Variants in CTNNA3 observed in about 807,000 individuals in gnomAD.
CTNNA3 encodes catenin alpha-3.
CTNNA3 carries 76 observed loss-of-function variants against 95.7 expected under a neutral mutation model. The ratio of observed to expected loss-of-function variants is 0.79; its 90% CI spans 0.66 to 0.96. The LOEUF (loss-of-function observed/expected upper bound fraction) is 0.96, where lower values mean the gene tolerates loss of function less well. Ranked by LOEUF, CTNNA3 falls within the 40% of genes least tolerant of loss-of-function variation. CTNNA3 has a pLI of 0.00. For synonymous variants in CTNNA3, 431 were observed against 374.4 expected (o/e 1.15, Z -1.74); for missense variants, 1,191 against 1,089.8 (o/e 1.09, Z -1.31).
intron 16 of CTNNA3, among the ~76,000 whole-genome samples, chr10:65,981,459 A>G (rs1368106774): frequency 6.6e-6 from 1 of 151,954 alleles, no homozygotes; most frequent in Non-Finnish European, 1.5e-5. Context: ...TTCCCATCAA[A>G]ATGCCACCAT....
intron 1 of CTNNA3, among the ~76,000 whole-genome samples, chr10:67,737,459 C>A (rs1202530570): frequency 1.3e-5 from 2 of 151,850 alleles, no homozygotes; most frequent in Non-Finnish European, 2.9e-5. Flanking sequence ...CAGGAACAAA[C>A]CAAACCCAAA....
intron 7 of CTNNA3, among the ~76,000 whole-genome samples, chr10:66,888,330 T>C (rs1845124612): frequency 6.6e-6 from 1 of 152,168 alleles, no homozygotes; most frequent in Admixed American, 6.6e-5. Flanking sequence ...GATTCTCCCC[T>C]GGAACCTCCA....
intron 7 of CTNNA3, among the ~76,000 whole-genome samples, chr10:67,107,921 G>C (rs1456195370): frequency 6.6e-6 from 1 of 152,162 alleles, no homozygotes; most frequent in Non-Finnish European, 1.5e-5. Flanking sequence ...AGGGACTCTG[G>C]CCTTGCGGAG....
intron 5 of CTNNA3, among the ~76,000 whole-genome samples, chr10:67,446,588 C>T (rs192284276): frequency 1.3e-4 from 20 of 152,270 alleles, no homozygotes; most frequent in Non-Finnish European, 8.8e-5. Context: ...ATAGCATTTA[C>T]TTCAGAAAAC....
chr10:66,310,117 C>CA (rs928526887), intron 12 of CTNNA3, among the ~76,000 whole-genome samples: 26 of 142,484 alleles, frequency 1.8e-4, no homozygotes, highest in South Asian at 8.9e-4. Context: ...GACTCCATCT[C>CA]AAAAAAAAAG....
chr10:66,173,118 A>G (rs1401661365), intron 13 of CTNNA3, among the ~76,000 whole-genome samples: 1 of 152,200 alleles, frequency 6.6e-6, no homozygotes, highest in Non-Finnish European at 1.5e-5. Context: ...ACATCTTTTC[A>G]TGTACATCCT....
chr10:67,661,223 C>T (rs1301733298), intron 1 of CTNNA3, among the ~76,000 whole-genome samples: 2 of 130,232 alleles, frequency 1.5e-5, no homozygotes, highest in East Asian at 4.7e-4. Flanking sequence ...CAATTAATTG[C>T]AGCAATTTTA....
At chr10:66,543,218 G>T (rs1022874544) in intron 10 of CTNNA3, among the ~76,000 whole-genome samples, 1 of 151,868 alleles carries the variant, frequency 6.6e-6, no homozygotes, top group African/African-American at 2.4e-5. Context: ...TCAGCCTCCC[G>T]AGTAGCTGGG....
At chr10:66,135,292 A>G (rs2083293780) in intron 13 of CTNNA3, among the ~76,000 whole-genome samples, 2 of 152,152 alleles carry the variant, frequency 1.3e-5, no homozygotes, top group Admixed American at 1.3e-4. Context: ...GTGTGCAATG[A>G]ACGTTGAATA....
chr10:67,417,588 G>A (rs1001173567), intron 5 of CTNNA3, among the ~76,000 whole-genome samples: 4 of 151,920 alleles, frequency 2.6e-5, no homozygotes, highest in Admixed American at 2.6e-4. Context: ...ACAAAAGAAA[G>A]GAAATAACTC....
intron 7 of CTNNA3, among the ~76,000 whole-genome samples, chr10:66,918,029 T>C (rs1354728046): frequency 6.6e-6 from 1 of 152,224 alleles, no homozygotes; most frequent in Non-Finnish European, 1.5e-5. Flanking sequence ...GTGACTCTGG[T>C]GCCACATGTT....
At chr10:67,371,259 T>C (rs1365825776) in intron 5 of CTNNA3, among the ~76,000 whole-genome samples, 2 of 152,152 alleles carry the variant, frequency 1.3e-5, no homozygotes, top group East Asian at 3.9e-4. Flanking sequence ...CTTTAAGTTC[T>C]AGGGTACATG....
chr10:67,239,237 A>G (rs1383569459), intron 5 of CTNNA3, among the ~76,000 whole-genome samples: 1 of 152,124 alleles, frequency 6.6e-6, no homozygotes, highest in East Asian at 1.9e-4. Context: ...ATACACACAT[A>G]TGGAAATATG....
At chr10:66,764,621 A>G (rs1346506521) in intron 9 of CTNNA3, among the ~76,000 whole-genome samples, 1 of 152,192 alleles carries the variant, frequency 6.6e-6, no homozygotes, top group Non-Finnish European at 1.5e-5. Flanking sequence ...CATAAAAAGA[A>G]GTTGTTTTCA....
At chr10:67,699,919 C>G (rs756972194), upstream of CTNNA3, among the ~76,000 whole-genome samples, 4 of 152,362 alleles carry the variant, frequency 2.6e-5, no homozygotes, top group Admixed American at 6.5e-5. Flanking sequence ...CACTCCCACC[C>G]TAATACTGCG....
chr10:67,032,867 A>G (rs749657589), intron 7 of CTNNA3, among the ~76,000 whole-genome samples: 2 of 152,208 alleles, frequency 1.3e-5, no homozygotes, highest in African/African-American at 2.4e-5. Context: ...TTTCAGCTGT[A>G]TATTAAAACA....
chr10:66,927,412 T>C lies in CTNNA3; in HGVS notation c.1048-151888A>G. 1 of 1,614,126 alleles carries C rather than the reference T, an allele frequency of 6.2e-7. No individual in the cohort carries two copies. Among genetic ancestry groups the C allele is most frequent in the Non-Finnish European group, 8.5e-7 (1 of 1,180,020 alleles). ...GAAGCTGCTGAGTTTACATTTACGG[T>C]CTAACTCCCTGAGAACCATCCCTGT... On this transcript the variant is annotated intron_variant, in intron 7 of 17. Coordinates refer to ENST00000433211, the MANE Select transcript of CTNNA3 (RefSeq NM_013266.4). This position sits in a 1 kb window ranked among gnomAD's most constrained non-coding sequence, Gnocchi z 4.7.
chr10:66,894,950 G>A (rs1375546395), intron 7 of CTNNA3, among the ~76,000 whole-genome samples: 1 of 146,890 alleles, frequency 6.8e-6, no homozygotes, highest in African/African-American at 2.5e-5. Context: ...AATGATCAGA[G>A]CATTTTCAAT....
upstream of CTNNA3, among the ~76,000 whole-genome samples, chr10:67,698,366 T>C (rs1334464595): frequency 6.6e-6 from 1 of 152,188 alleles, no homozygotes; most frequent in Admixed American, 6.5e-5. Context: ...AGTCATTCAA[T>C]TGGATGTATT....
Sources: allele counts gnomAD v4.1 joint callset (sites outside exome capture counted in the v4.1 genomes callset), GRCh38; gene constraint gnomAD v4.1.1; non-coding constraint Gnocchi (gnomAD v3.1); transcripts MANE v1.5; gene names NCBI Gene and HGNC (gene_info 2026-07-23, HGNC 2026-07-21).